Variants in MLLT3 observed in about 807,000 individuals in gnomAD.
MLLT3 encodes the protein MLLT3 super elongation complex subunit, also known as protein AF-9.
Under a neutral mutation model 53.2 loss-of-function variants are expected in MLLT3, and 4 were observed. The observed-to-expected ratio is 0.08, with a 90% CI of 0.04 to 0.17. The LOEUF (loss-of-function observed/expected upper bound fraction) is 0.17. Among genes scored for constraint, MLLT3 ranks in the 10% least tolerant of loss-of-function variants. The probability of loss-of-function intolerance (pLI) is 1.00; values close to 1 mark genes in which losing one functional copy is unlikely to be tolerated. For missense variants in MLLT3, 569 were observed against 684.0 expected (o/e 0.83, Z 1.87); for synonymous variants, 283 against 230.6 (o/e 1.23, Z -2.06).
intron 5 of MLLT3, among the ~76,000 whole-genome samples, chr9:20,383,643 GAATA>G (rs1818194070): frequency 1.3e-5 from 2 of 151,790 alleles, no homozygotes; most frequent in African/African-American, 2.4e-5. Flanking sequence ...TCATCAATAG[GAATA>G]AATATAAAAT....
At position 20,354,642 on chromosome 9, in the gene MLLT3, G is replaced by T. The variant is rs115320616; in HGVS notation, c.1503+166C>A. Reference sequence around the variant, plus strand: ...ATACTGAAGATATAAACAACACATGGAAAACAAACTACAAAGCACTGGGAT... The same window carrying T: ...ATACTGAAGATATAAACAACACATGTAAAACAAACTACAAAGCACTGGGAT... On this transcript the variant is annotated intron_variant, in intron 9 of 10. Coordinates refer to ENST00000380338, the MANE Select transcript of MLLT3 (RefSeq NM_004529.4). 5.5e-3 allele frequency among the ~76,000 whole-genome samples: 845 copies of T among 152,298 alleles called. 6 individuals carry two copies. Among genetic ancestry groups the T allele is most frequent in the African/African-American group, 0.02 (822 of 41,552 alleles).
chr9:20,435,598 CATTTTT>C (rs997454135), intron 4 of MLLT3, among the ~76,000 whole-genome samples: 3 of 152,040 alleles, frequency 2.0e-5, no homozygotes, highest in African/African-American at 7.2e-5. Context: ...CTTGGAAGGA[CATTTTT>C]ATTTTTGTTT....
At chr9:20,519,762 G>C (rs557398394) in intron 2 of MLLT3, among the ~76,000 whole-genome samples, 6 of 152,320 alleles carry the variant, frequency 3.9e-5, no homozygotes, top group African/African-American at 1.2e-4. Context: ...GTGTAAATTA[G>C]TTCAACCATT....
intron 2 of MLLT3, among the ~76,000 whole-genome samples, chr9:20,548,514 T>A (rs1818846125): frequency 6.6e-6 from 1 of 152,230 alleles, no homozygotes; most frequent in Admixed American, 6.5e-5. Flanking sequence ...GTACATACAG[T>A]AAATGGATTT....
chr9:20,398,896 T>TA (rs1822386013), intron 5 of MLLT3, among the ~76,000 whole-genome samples: 1 of 151,752 alleles, frequency 6.6e-6, no homozygotes, highest in South Asian at 2.1e-4. Flanking sequence ...TGAAATCAGC[T>TA]AAAAAACAAA....
intron 4 of MLLT3, among the ~76,000 whole-genome samples, chr9:20,422,264 G>A (rs1823028615): frequency 6.6e-6 from 1 of 152,156 alleles, no homozygotes; most frequent in South Asian, 2.1e-4. Flanking sequence ...TGCTTTGGAA[G>A]GTTTTACTTG....
chr9:20,401,238 G>C (rs974240997), intron 5 of MLLT3, among the ~76,000 whole-genome samples: 5 of 152,060 alleles, frequency 3.3e-5, no homozygotes, highest in African/African-American at 9.7e-5. Flanking sequence ...ATTATCCCCA[G>C]TGCCCAATAA....
chr9:20,607,994 T>C (rs748256881), intron 2 of MLLT3, among the ~76,000 whole-genome samples: 3 of 152,012 alleles, frequency 2.0e-5, no homozygotes, highest in African/African-American at 7.2e-5. Context: ...AATAAAATCA[T>C]CTTAGTATCA....
chr9:20,572,413 G>C (rs1017310314), intron 2 of MLLT3, among the ~76,000 whole-genome samples: 9 of 152,172 alleles, frequency 5.9e-5, no homozygotes, highest in African/African-American at 2.2e-4. Flanking sequence ...TAATTAGCTT[G>C]ATTTAGTCAT....
chr9:20,580,006 C>T (rs937985848), intron 2 of MLLT3, among the ~76,000 whole-genome samples: 1 of 152,146 alleles, frequency 6.6e-6, no homozygotes, highest in Non-Finnish European at 1.5e-5. Flanking sequence ...GAGGTCCTAT[C>T]CCAGTTACAC....
chr9:20,621,104 G>C lies in MLLT3; in HGVS notation c.13-270C>G. 1 of 586,020 alleles carries C rather than the reference G, an allele frequency of 1.7e-6. No homozygotes were observed. The highest frequency in any genetic ancestry group is 3.1e-6 in the Non-Finnish European group (1 of 324,422). 36.3% of individuals were successfully genotyped at this position (586,020 alleles called of 1,614,324 possible). On this transcript the variant is annotated intron_variant, in intron 1 of 10. Transcript: ENST00000380338. This position sits in a 1 kb window ranked among gnomAD's most constrained non-coding sequence, Gnocchi z 7.0. ...ACGGAATGTTATCCCCAGTCGGGAA[G>C]GGGGTCGGGGAAAAGAGGGAGAACA...
chr9:20,611,512 A>T (rs1048025859), intron 2 of MLLT3, among the ~76,000 whole-genome samples: 19 of 152,112 alleles, frequency 1.2e-4, no homozygotes, highest in Non-Finnish European at 2.6e-4. Context: ...TTTTGACAAA[A>T]TCAAATATTT....
intron 2 of MLLT3, among the ~76,000 whole-genome samples, chr9:20,582,818 C>T (rs1039265476): frequency 6.6e-6 from 1 of 152,140 alleles, no homozygotes; most frequent in African/African-American, 2.4e-5. Flanking sequence ...CCCCCTGGGT[C>T]CCTCCTACAA....
intron 2 of MLLT3, among the ~76,000 whole-genome samples, chr9:20,465,446 T>C (rs1266945794): frequency 1.3e-5 from 2 of 152,180 alleles, no homozygotes; most frequent in Non-Finnish European, 1.5e-5. Context: ...CTGACCCTTT[T>C]TCTCCAAATG....
In MLLT3 at chr9:20,620,891, G is replaced by A. The variant is rs528386679; in HGVS notation, c.13-57C>T. ...ATAACAGGAAGGCGAGGTTTCGGCA[G>A]TGAACGTTGCGCCTGACATTTTTTT... On this transcript the variant is annotated intron_variant, in intron 1 of 10. Coordinates refer to ENST00000380338, the MANE Select transcript of MLLT3 (RefSeq NM_004529.4). The surrounding 1 kb of genome is among the most constrained non-coding windows in gnomAD (Gnocchi z 6.1). 5.4e-5 allele frequency: 86 copies of A among 1,578,748 alleles called. No individual in the cohort carries two copies. The highest frequency in any genetic ancestry group is 4.3e-5 in the Non-Finnish European group (49 of 1,150,978).
intron 2 of MLLT3, among the ~76,000 whole-genome samples, chr9:20,525,166 G>T (rs1818169295): frequency 6.9e-6 from 1 of 145,236 alleles, no homozygotes; most frequent in Admixed American, 6.9e-5. Flanking sequence ...GAAAAAAGTA[G>T]CTAGCTCCTC....
At chr9:20,581,902 A>ATGG (rs1819802110) in intron 2 of MLLT3, among the ~76,000 whole-genome samples, 1 of 152,224 alleles carries the variant, frequency 6.6e-6, no homozygotes, top group Non-Finnish European at 1.5e-5. Flanking sequence ...CAGGTTTAAA[A>ATGG]GAGCCTAACC....
intron 2 of MLLT3, among the ~76,000 whole-genome samples, chr9:20,490,212 ACT>A (rs1484424318): frequency 6.6e-6 from 1 of 152,222 alleles, no homozygotes; most frequent in East Asian, 1.9e-4. Context: ...TAATCTAGGT[ACT>A]ATTGTGAAGG....
intron 5 of MLLT3, among the ~76,000 whole-genome samples, chr9:20,372,554 ATTTTTTT>A (rs34889625): frequency 1.9e-4 from 16 of 82,226 alleles, no homozygotes; most frequent in South Asian, 1.1e-3. Context: ...CGCCCGGCTA[ATTTTTTT>A]TTTTTTTTTT....
Sources: gnomAD v4.1 joint callset for allele counts (sites outside exome capture counted in the v4.1 genomes callset) on GRCh38, gnomAD v4.1.1 for gene constraint, Gnocchi (gnomAD v3.1) non-coding constraint, MANE v1.5 for transcripts, NCBI Gene and HGNC (gene_info 2026-07-23, HGNC 2026-07-21) for gene names.